TTN: variants seen among roughly 807,000 people sequenced by gnomAD.
The protein encoded by TTN is titin, also known as connectin.
Under a neutral mutation model 3,223.0 loss-of-function variants are expected in TTN, and 1,525 were observed. The observed-to-expected ratio is 0.47, with a 90% CI of 0.45 to 0.49. The LOEUF (loss-of-function observed/expected upper bound fraction) is 0.49, where lower values mean the gene tolerates loss of function less well. Among genes scored for constraint, TTN ranks in the 20% least tolerant of loss-of-function variants. The pLI, the probability that TTN is intolerant of heterozygous loss-of-function variation, is 0.00. For missense variants in TTN, 40,786 were observed against 43,424.0 expected, an observed-to-expected ratio of 0.94 and a Z score of 5.40; for synonymous variants, 14,094 against 15,161.0, an observed-to-expected ratio of 0.93 and a Z score of 5.17.
Position 178,546,826 on chromosome 2 carries a change from T to A in TTN, c.94602A>T (p.Gly31534=). 6.2e-7 allele frequency: 1 copy of A among 1,610,740 alleles called. No homozygotes were observed. Among genetic ancestry groups the A allele is most frequent in the Non-Finnish European group, 8.5e-7 (1 of 1,177,380 alleles). Residue 31534 remains glycine, a synonymous_variant, in exon 341 of 363, where the codon GGA becomes GGT. Coordinates refer to ENST00000589042, the MANE Select transcript of TTN (RefSeq NM_001267550.2). The part of the protein sequence containing the change: ...SLIWSAPAYD[G]GSKVVGYIIE... ...TGATGTAGCCCACAACCTTGCTGCCTCCATCATACGCTGGGGCAGACCAAA... is the reference window on the plus strand; with the variant it reads ...TGATGTAGCCCACAACCTTGCTGCCACCATCATACGCTGGGGCAGACCAAA...
At position 178,795,206 on chromosome 2, in the gene TTN, C is replaced by T. The variant is rs876658099; in HGVS notation, c.961G>A (p.Val321Ile). Residue 321 changes from valine (V) to isoleucine (I), a missense_variant, in exon 7 of 363, where the codon GTT becomes ATT. Transcript: ENST00000589042. Reference sequence around the variant, plus strand: ...TTACGCATGAGCAATGGAGACCTAACAGACCTGATGGGGGATGTGGAGATT... The same window carrying T: ...TTACGCATGAGCAATGGAGACCTAATAGACCTGATGGGGGATGTGGAGATT... ...ARISTSPIRS[V>I]RSPLLMRKTQ... The T allele has an allele frequency of 1.2e-6, 2 of 1,614,138 alleles. No individual in the cohort carries two copies. The highest frequency in any genetic ancestry group is 1.1e-5 in the South Asian group (1 of 91,082).
Position 178,634,361 on chromosome 2 carries a change from C to T in TTN, c.42415+5G>A. ...GGATGTCACAGATCTCATTAGCTCGCTTACCTGTGACAAACAACCGAGCTG... is the reference window on the plus strand; with the variant it reads ...GGATGTCACAGATCTCATTAGCTCGTTTACCTGTGACAAACAACCGAGCTG... On this transcript the variant is annotated splice_donor_5th_base_variant and intron_variant, in intron 230 of 362. Transcript: ENST00000589042. This position sits in a 1 kb window ranked among gnomAD's most constrained non-coding sequence, Gnocchi z 4.6. The T allele has an allele frequency of 6.2e-7, 1 of 1,600,998 alleles. No individual in the cohort carries two copies. The highest frequency in any genetic ancestry group is 2.2e-5 in the East Asian group (1 of 44,590).
rs878901352 is a variant in TTN, at chr2:178,594,152, G to T, written c.58241C>A (p.Pro19414Gln). 8.7e-6 allele frequency: 14 copies of T among 1,613,258 alleles called. No individual in the cohort carries two copies. The African/African-American group carries it at 1.6e-4, about 18-fold the overall frequency. The change falls in exon 297 of 363, where the codon CCA becomes CAA. Residue 19414 changes from proline (P) to glutamine (Q), a missense_variant. Transcript: ENST00000589042. ...TTTGAACCAGGAAACCTTAGGCTTT[G>T]GTTTGCCTGAGTAACGGCCAGTGAG... is the stretch of plus-strand genomic sequence containing the variant. The part of the protein sequence containing the change: ...FALTGRYSGK[P>Q]KPKVSWFKDE...
At chr2:178,719,138 C>G in intron 83 of TTN, 26 bp downstream of exon 83, 9 of 1,590,312 alleles carry the variant, frequency 5.7e-6, no homozygotes, top group Non-Finnish European at 7.7e-6. Context: ...GTTAGAGAAG[C>G]AGCAGCTTTA....
intron 17 of TTN, 95 bp from the exon 18 acceptor site, chr2:178,783,159 C>G (rs1039662538): frequency 7.1e-6 from 10 of 1,403,758 alleles, no homozygotes; most frequent in Non-Finnish European, 9.9e-6. Context: ...TTATGCATTT[C>G]AACTGCCACA....
In TTN at chr2:178,777,227, G is replaced by A. The variant is rs2092328380; in HGVS notation, c.4736C>T (p.Ala1579Val). 1.9e-6 allele frequency: 3 copies of A among 1,614,074 alleles called. No homozygotes were observed. The highest frequency in any genetic ancestry group is 8.5e-7 in the Non-Finnish European group (1 of 1,179,972). ...EGSRLEMKVR[A>V]TGNPNPDIVW... The stretch of plus-strand genomic sequence containing the variant: ...AATGTCAGGGTTGGGGTTACCCGTA[G>A]CTCTGACTTTCATTTCAAGTCGGGA... Residue 1579 changes from alanine (A) to valine (V), a missense_variant, in exon 27 of 363, where the codon GCT becomes GTT. By Grantham distance (64) the Ala-to-Val change is moderately conservative. Transcript: ENST00000589042.
Position 178,725,786 on chromosome 2 carries a change from A to C in TTN, c.20536T>G (p.Cys6846Gly). 6.2e-7 allele frequency: 1 copy of C among 1,603,492 alleles called. No individual in the cohort carries two copies. The highest frequency in any genetic ancestry group is 8.5e-7 in the Non-Finnish European group (1 of 1,173,590). ...TATTTACCTTTCAATTTTACAGTAC[A>C]AACACAAGTATCACTTCCCACTTCA... ...QNEVGSDTCV[C>G]TVKLKEPPRF... Residue 6846 changes from cysteine (C) to glycine (G), a missense_variant, in exon 70 of 363, where the codon TGT (cysteine) becomes GGT (glycine). Transcript: ENST00000589042.
At position 178,565,256 on chromosome 2, in the gene TTN, C is replaced by T. The variant is rs768259414; in HGVS notation, c.80876G>A (p.Gly26959Asp). ...AACACTGAGATTTTCTGTTGCTGTG[C>T]CTGCACTATTTGTTGCCGTTACGGT... is the stretch of plus-strand genomic sequence containing the variant. ...KYTVTATNSA[G>D]TATENLSVIV... Residue 26959 changes from glycine (G) to aspartate (D), a missense_variant, in exon 326 of 363, where the codon GGC becomes GAC. Transcript: ENST00000589042. 2 of 1,613,620 alleles carry T rather than the reference C, an allele frequency of 1.2e-6. No homozygotes were observed. Among genetic ancestry groups the T allele is most frequent in the Non-Finnish European group, 1.7e-6 (2 of 1,179,698 alleles).
chr2:178,744,365 C>A (rs967116132), intron 47 of TTN: 9 of 983,776 alleles, frequency 9.1e-6, no homozygotes, highest in African/African-American at 1.7e-5. Context: ...GTTGAATGAT[C>A]ACCTCTAAGG....
In TTN at chr2:178,746,240, C is replaced by T. The variant is rs72648913; in HGVS notation, c.11312-4319G>A. On this transcript the variant is annotated intron_variant, in intron 47 of 362. Transcript: ENST00000589042. ...TGAATTTTCTGGAATTTTAAAATCA[C>T]AAATAGGCATTATAAAGCGAGGAGG... 2.9e-3 allele frequency: 4,716 copies of T among 1,612,668 alleles called. 9 individuals carry two copies. The highest frequency in any genetic ancestry group is 4.8e-3 in the Middle Eastern group (29 of 6,050).
At chr2:178,631,346 GA>G (rs2059775025) in intron 236 of TTN, 46 bp from the exon 237 acceptor site, 2 of 1,538,002 alleles carry the variant, frequency 1.3e-6, no homozygotes, top group African/African-American at 2.8e-5. Flanking sequence ...TCACCTTAGG[GA>G]AATGACAATC....
chr2:178,731,894 C>T lies in TTN; in HGVS notation c.16981G>A (p.Ala5661Thr). ...GTGATCTCAAAGGGAGGAGTGCCTG[C>T]CACCTCAGCCAGCAACATGACATCG... is the stretch of plus-strand genomic sequence containing the variant. ...EYDVMLLAEVAGTPPFEITWF... is the reference protein window; with the variant it reads ...EYDVMLLAEVTGTPPFEITWF... The change falls in exon 58 of 363, where the codon GCA becomes ACA. Residue 5661 changes from alanine to threonine, a missense_variant. Physicochemically the swap from Ala to Thr is moderately conservative, Grantham distance 58. Coordinates refer to ENST00000589042, the MANE Select transcript of TTN (RefSeq NM_001267550.2). 6.2e-7 allele frequency: 1 copy of T among 1,613,680 alleles called. No individual in the cohort carries two copies. The highest frequency in any genetic ancestry group is 8.5e-7 in the Non-Finnish European group (1 of 1,179,708).
intron 47 of TTN, chr2:178,748,379 T>A: frequency 6.2e-7 from 1 of 1,613,284 alleles, no homozygotes; most frequent in South Asian, 1.1e-5. Flanking sequence ...AGAAATTTCT[T>A]GACTGGCAAA....
At chr2:178,625,682 C>A (rs2058929518) in intron 240 of TTN, among the ~76,000 whole-genome samples, 1 of 151,952 alleles carries the variant, frequency 6.6e-6, no homozygotes, top group African/African-American at 2.4e-5. Context: ...ACTAACTCAT[C>A]ATCTAGCATT....
Position 178,572,849 on chromosome 2 carries a change from A to G in TTN, c.73283T>C (p.Ile24428Thr), listed in dbSNP as rs746112857. 13 of 1,613,374 alleles carry G rather than the reference A, an allele frequency of 8.1e-6. No individual in the cohort carries two copies. Among genetic ancestry groups the G allele is most frequent in the South Asian group, 3.3e-5 (3 of 91,054 alleles). Residue 24428 changes from isoleucine (I) to threonine (T), a missense_variant, in exon 326 of 363, where the codon ATT (isoleucine) becomes ACT (threonine). By Grantham distance (89) the Ile-to-Thr change is moderately conservative. Transcript: ENST00000589042. ...TTTGCGCAGGTCAGCATCCAGTTCA[A>G]TTTCTGGAGGCAGCATTCTGTCTTC... Reference protein sequence around the residue: ...KAEDRMLPPEIELDADLRKVV... With the variant: ...KAEDRMLPPETELDADLRKVV...
Position 178,707,815 on chromosome 2 carries a change from T to G in TTN, c.28754-2A>C, listed in dbSNP as rs1044426563. ...CAAATACAGGTGGCTTCTTAGGTTC[T>G]GGAATTGAAAAGGTATTTTCATGAG... On this transcript the variant is annotated splice_acceptor_variant, in intron 99 of 362. Coordinates refer to ENST00000589042, the MANE Select transcript of TTN (RefSeq NM_001267550.2). LOFTEE classifies it high-confidence loss of function. 1 of 1,574,344 alleles carries G rather than the reference T, an allele frequency of 6.4e-7. No individual in the cohort carries two copies.
intron 157 of TTN, 58 bp downstream of exon 157, chr2:178,670,160 C>T (rs368208567): frequency 4.3e-6 from 5 of 1,172,984 alleles, no homozygotes; most frequent in Non-Finnish European, 5.7e-6. Context: ...GTCTCTCTTA[C>T]ATAGTAAGTG....
chr2:178,674,353 G>T lies in TTN; in HGVS notation c.34669C>A (p.Pro11557Thr), dbSNP rs772404955. 1.3e-6 allele frequency: 2 copies of T among 1,599,056 alleles called. No homozygotes were observed. The highest frequency in any genetic ancestry group is 2.3e-5 in the South Asian group (2 of 88,228). Residue 11557 changes from proline to threonine, a missense_variant, in exon 151 of 363, where the codon CCT becomes ACT. By Grantham distance (38) the Pro-to-Thr change is conservative. Transcript: ENST00000589042. ...ISEEEIPEEP[P>T]SIEEVEEVAP... ...ACCTCTTCAACTTCCTCTATGCTAG[G>T]TGGTTCTTCTGGGATTTCTTCTTCT...
chr2:178,639,961 T>A (rs931185464), intron 222 of TTN, 87 bp downstream of exon 222: 127 of 1,526,922 alleles, frequency 8.3e-5, no homozygotes, highest in Middle Eastern at 5.1e-4. Context: ...ACATACTGAC[T>A]TTCACCTACT....
Sources: gnomAD v4.1 joint callset for allele counts (sites outside exome capture counted in the v4.1 genomes callset) on GRCh38, gnomAD v4.1.1 for gene constraint, Gnocchi (gnomAD v3.1) non-coding constraint, MANE v1.5 for transcripts, NCBI Gene and HGNC (gene_info 2026-07-23, HGNC 2026-07-21) for gene names.